Variants in NKAIN2 observed in about 807,000 individuals in gnomAD.
NKAIN2 encodes the protein sodium/potassium-transporting ATPase subunit beta-1-interacting protein 2.
Under a neutral mutation model 32.6 loss-of-function variants are expected in NKAIN2, and 14 were observed. The ratio of observed to expected loss-of-function variants is 0.43; its 90% CI spans 0.28 to 0.67. The LOEUF is 0.67. Among genes scored for constraint, NKAIN2 ranks in the 30% least tolerant of loss-of-function variants. The pLI, the probability that NKAIN2 is intolerant of heterozygous loss-of-function variation, is 0.17. For synonymous variants in NKAIN2, 80 were observed against 87.2 expected (o/e 0.92, Z 0.46); for missense variants, 198 against 258.3 (o/e 0.77, Z 1.60).
At chr6:124,786,688 A>T (rs980014685) in intron 4 of NKAIN2, among the ~76,000 whole-genome samples, 6 of 145,092 alleles carry the variant, frequency 4.1e-5, no homozygotes, top group South Asian at 2.1e-4. Flanking sequence ...AAAGATAAAT[A>T]AAAAAAAAAT....
chr6:124,575,987 A>G (rs1781317522), intron 3 of NKAIN2, among the ~76,000 whole-genome samples: 1 of 152,248 alleles, frequency 6.6e-6, no homozygotes, highest in African/African-American at 2.4e-5. Flanking sequence ...AAATCAAGAC[A>G]GTGGCACTAA....
intron 3 of NKAIN2, among the ~76,000 whole-genome samples, chr6:124,522,664 T>C (rs543063159): frequency 6.6e-6 from 1 of 152,304 alleles, no homozygotes; most frequent in African/African-American, 2.4e-5. Flanking sequence ...TTATCTTATA[T>C]ATGAGTTTGC....
rs1212995620 is a variant in NKAIN2, at chr6:124,706,839, T to A, written c.474+48453T>A. Among the ~76,000 whole-genome samples, 5 of 151,812 alleles carry A rather than the reference T, an allele frequency of 3.3e-5. No individual in the cohort carries two copies. The East Asian group carries it at 9.7e-4, about 29-fold the overall frequency. On this transcript the variant is annotated intron_variant, in intron 4 of 6. Coordinates refer to ENST00000368417, the MANE Select transcript of NKAIN2 (RefSeq NM_001040214.3). ...GGATGTTTTCTTTATTTATAGTTGG[T>A]TTTATTTTTTTTTTATTATACTTTA...
At position 124,463,100 on chromosome 6, in the gene NKAIN2, C is replaced by G. The variant is rs528267414; in HGVS notation, c.273+107753C>G. 4.6e-5 allele frequency among the ~76,000 whole-genome samples: 7 copies of G among 152,016 alleles called. No homozygotes were observed. In the South Asian group the frequency reaches 8.3e-4, roughly 18 times the overall value. On this transcript the variant is annotated intron_variant, in intron 3 of 6. Transcript: ENST00000368417. ...CATTAAATCTGAATCAGTTACCATT[C>G]AAAAGGAAGAAATTTTTAGATAAAG...
At chr6:124,259,179 T>A (rs1314297823) in intron 1 of NKAIN2, among the ~76,000 whole-genome samples, 1 of 152,180 alleles carries the variant, frequency 6.6e-6, no homozygotes, top group Non-Finnish European at 1.5e-5. Flanking sequence ...CACTCTCTAC[T>A]TAAAAGCCCT....
intron 3 of NKAIN2, among the ~76,000 whole-genome samples, chr6:124,578,765 G>A (rs1334257396): frequency 6.6e-6 from 1 of 152,096 alleles, no homozygotes; most frequent in Non-Finnish European, 1.5e-5. Flanking sequence ...ACTCAGTGCT[G>A]TGCTGGCTTC....
intron 1 of NKAIN2, among the ~76,000 whole-genome samples, chr6:124,129,767 G>A (rs570253904): frequency 9.9e-5 from 15 of 152,026 alleles, no homozygotes; most frequent in African/African-American, 3.1e-4. Context: ...ACAGGTGCAC[G>A]CCACCATGCC....
chr6:124,492,091 A>G (rs1188184553), intron 3 of NKAIN2, among the ~76,000 whole-genome samples: 10 of 152,084 alleles, frequency 6.6e-5, no homozygotes, highest in Middle Eastern at 3.4e-3. Flanking sequence ...CCTATTGGCT[A>G]TTATTGTAAT....
chr6:124,651,126 G>T (rs1332933346), intron 3 of NKAIN2, among the ~76,000 whole-genome samples: 1 of 150,730 alleles, frequency 6.6e-6, no homozygotes, highest in Non-Finnish European at 1.5e-5. Flanking sequence ...TCTTAAAGCT[G>T]GAGAATAATC....
intron 1 of NKAIN2, among the ~76,000 whole-genome samples, chr6:123,944,409 C>T (rs1025476064): frequency 8.6e-5 from 13 of 152,012 alleles, no homozygotes; most frequent in African/African-American, 3.1e-4. Context: ...TGACTCCCCA[C>T]CTTTGTCTTT....
At chr6:124,659,517 G>A (rs1784667347) in intron 4 of NKAIN2, among the ~76,000 whole-genome samples, 1 of 151,756 alleles carries the variant, frequency 6.6e-6, no homozygotes, top group African/African-American at 2.4e-5. Context: ...GTGTGTGTGT[G>A]TTGTGATAGA....
intron 3 of NKAIN2, among the ~76,000 whole-genome samples, chr6:124,426,146 T>C (rs746251395): frequency 6.6e-6 from 1 of 152,148 alleles, no homozygotes; most frequent in Non-Finnish European, 1.5e-5. Context: ...AACTCCCATC[T>C]CACTTGCCAT....
intron 2 of NKAIN2, among the ~76,000 whole-genome samples, chr6:124,313,659 A>T (rs548884341): frequency 1.3e-5 from 2 of 152,090 alleles, no homozygotes; most frequent in African/African-American, 4.8e-5. Flanking sequence ...CTCTTACTTA[A>T]TTGGTGGTAT....
intron 3 of NKAIN2, among the ~76,000 whole-genome samples, chr6:124,391,636 A>G (rs966053932): frequency 2.6e-5 from 4 of 152,262 alleles, no homozygotes; most frequent in South Asian, 4.1e-4. Flanking sequence ...CAGTGACAAC[A>G]GAGTCTAAGG....
chr6:124,419,010 A>G (rs1047780811), intron 3 of NKAIN2, among the ~76,000 whole-genome samples: 1 of 152,052 alleles, frequency 6.6e-6, no homozygotes, highest in Non-Finnish European at 1.5e-5. Context: ...ATGACTATCC[A>G]TTGTCTGAGT....
chr6:124,071,864 T>C (rs765732850), intron 1 of NKAIN2, among the ~76,000 whole-genome samples: 2 of 152,140 alleles, frequency 1.3e-5, no homozygotes, highest in Non-Finnish European at 2.9e-5. Context: ...AAAACACATA[T>C]ACATTATTGG....
intron 4 of NKAIN2, among the ~76,000 whole-genome samples, chr6:124,706,894 G>C (rs1274508198): frequency 6.6e-6 from 1 of 151,764 alleles, no homozygotes; most frequent in Non-Finnish European, 1.5e-5. Flanking sequence ...ACATTGTGCA[G>C]GTTAGTTACA....
chr6:124,732,772 A>G (rs1776747744), intron 4 of NKAIN2, among the ~76,000 whole-genome samples: 1 of 152,020 alleles, frequency 6.6e-6, no homozygotes, highest in African/African-American at 2.4e-5. Context: ...GAATATTCTT[A>G]GAAAACTAAA....
At chr6:123,939,823 G>A (rs1044766239) in intron 1 of NKAIN2, among the ~76,000 whole-genome samples, 1 of 151,656 alleles carries the variant, frequency 6.6e-6, no homozygotes, top group Non-Finnish European at 1.5e-5. Context: ...TCCAGTTATT[G>A]CAAGTGTGTG....
Sources: allele counts gnomAD v4.1 joint callset (sites outside exome capture counted in the v4.1 genomes callset), GRCh38; gene constraint gnomAD v4.1.1; transcripts MANE v1.5; gene names NCBI Gene and HGNC (gene_info 2026-07-23, HGNC 2026-07-21).